CFAP70: variants seen among roughly 807,000 people sequenced by gnomAD.
CFAP70 encodes cilia and flagella associated protein 70.
CFAP70 carries 81 observed loss-of-function variants against 137.6 expected under a neutral mutation model. That is an observed-to-expected ratio of 0.59 (90% confidence interval 0.49 to 0.71). The LOEUF (loss-of-function observed/expected upper bound fraction) is 0.71, where lower values mean the gene tolerates loss of function less well. Ranked by LOEUF, CFAP70 falls within the 30% of genes least tolerant of loss-of-function variation. The pLI is 0.00. For synonymous variants in CFAP70, 382 were observed against 423.6 expected (o/e 0.90, Z 1.20); for missense variants, 976 against 1,226.7 (o/e 0.80, Z 3.05).
At chr10:73,311,859 G>A in exon 11 of CFAP70, 1 of 1,613,870 alleles carries the variant, frequency 6.2e-7, no homozygotes, top group East Asian at 2.2e-5. Flanking sequence ...GTGACTTAGA[G>A]GGGGTTCACC....
chr10:73,325,322 A>T lies in CFAP70; in HGVS notation c.778-2225T>A, dbSNP rs559058112. Among the ~76,000 whole-genome samples the T allele has an allele frequency of 2.6e-3, 399 of 152,288 alleles. 2 individuals carry two copies. Among genetic ancestry groups the T allele is most frequent in the African/African-American group, 9.0e-3 (372 of 41,554 alleles). ...GTCACCACCAGGCCTGCCCTAAAAG[A>T]GCTCCTGAAGGAAGCACTAAACATG... On this transcript the variant is annotated intron_variant, in intron 8 of 26. Transcript: ENST00000310715.
chr10:73,304,845 C>CT (rs2049247158), intron 12 of CFAP70, among the ~76,000 whole-genome samples: 1 of 146,560 alleles, frequency 6.8e-6, no homozygotes, highest in Non-Finnish European at 1.5e-5. Context: ...TCCAGATAAA[C>CT]TTAAAAAAAA....
chr10:73,310,127 C>A, intron 12 of CFAP70, 31 bp downstream of exon 13: 1 of 1,467,728 alleles, frequency 6.8e-7, no homozygotes, highest in South Asian at 1.2e-5. Flanking sequence ...CCAAATTGTA[C>A]AAAACTAGTA....
chr10:73,338,143 A>ATTTT lies in CFAP70; in HGVS notation c.583-2623_583-2620dup, dbSNP rs550084202. 8.0e-4 allele frequency among the ~76,000 whole-genome samples: 104 copies of ATTTT among 129,678 alleles called. 2 individuals are homozygous for ATTTT. The highest frequency in any genetic ancestry group is 5.2e-3 in the South Asian group (21 of 4,012). The allele number at this position is 129,678 out of a possible 152,430, so 85.1% of individuals were successfully genotyped here. A position where few individuals can be genotyped will look rare whatever the true frequency, so the allele number is the denominator to read the frequency against. ...CATGGGTCCACTTATATATATGCGG[A>ATTTT]TTTTTTTTTTTTTTTTTTTGAGACA... On this transcript the variant is annotated intron_variant, in intron 6 of 26. Transcript: ENST00000310715.
upstream of CFAP70, among the ~76,000 whole-genome samples, chr10:73,360,860 C>T (rs991614589): frequency 1.3e-5 from 2 of 152,148 alleles, no homozygotes; most frequent in Non-Finnish European, 2.9e-5. Flanking sequence ...CCAGAAATCG[C>T]TCATGATCTT....
At chr10:73,321,699 A>T (rs977336418) in intron 9 of CFAP70, among the ~76,000 whole-genome samples, 2 of 152,132 alleles carry the variant, frequency 1.3e-5, no homozygotes, top group African/African-American at 4.8e-5. Flanking sequence ...GAAAAAAAAA[A>T]TTATAGTTCA....
At chr10:73,274,732 T>G (rs968143776) in intron 22 of CFAP70, 138 bp from the exon 24 acceptor site, 1 of 814,624 alleles carries the variant, frequency 1.2e-6, no homozygotes, top group African/African-American at 1.8e-5. Context: ...CGTTTTCTTT[T>G]TCTAAGAGCA....
At chr10:73,322,566 T>TAAAAA (rs143744938) in intron 9 of CFAP70, among the ~76,000 whole-genome samples, 1 of 105,648 alleles carries the variant, frequency 9.5e-6, no homozygotes, top group Non-Finnish European at 2.0e-5. Flanking sequence ...CCCACATCTC[T>TAAAAA]AAAAAAAAAA....
rs1232147506 is a variant in CFAP70, at chr10:73,275,701, C to A, written c.2521-103G>T. On this transcript the variant is annotated intron_variant, in intron 21 of 26. Transcript: ENST00000310715. The surrounding 1 kb of genome is among the most constrained non-coding windows in gnomAD (Gnocchi z 4.0). ...ATAATAAATAATACGAAATGTATTA[C>A]AGAATGAAATAATTATCCTCAACTT... The A allele has an allele frequency of 2.9e-6, 3 of 1,029,924 alleles. No homozygotes were observed. The African/African-American group carries it at 5.0e-5, about 17-fold the overall frequency. 63.8% of individuals were successfully genotyped at this position (1,029,924 alleles called of 1,614,324 possible).
At chr10:73,349,236 A>G (rs576397255) in intron 3 of CFAP70, among the ~76,000 whole-genome samples, 39 of 152,092 alleles carry the variant, frequency 2.6e-4, no homozygotes, top group Admixed American at 1.0e-3. Flanking sequence ...TCACAATCTG[A>G]AGTTTGAAAA....
intron 6 of CFAP70, among the ~76,000 whole-genome samples, chr10:73,339,648 C>A (rs1304197857): frequency 6.6e-6 from 1 of 152,246 alleles, no homozygotes; most frequent in Non-Finnish European, 1.5e-5. Flanking sequence ...TTGTGCACAG[C>A]CAGGCATGCT....
At chr10:73,334,915 A>C in intron 7 of CFAP70, among the ~76,000 whole-genome samples, 1 of 138,898 alleles carries the variant, frequency 7.2e-6, no homozygotes. Flanking sequence ...ACAAGGTGTC[A>C]CTCCATTGCC....
At chr10:73,294,610 T>C (rs942032922) in intron 15 of CFAP70, 3 of 152,222 alleles carry the variant, frequency 2.0e-5, no homozygotes, top group Non-Finnish European at 4.4e-5. Context: ...TAGTAATCTA[T>C]GTATTTGTCT....
upstream of CFAP70, among the ~76,000 whole-genome samples, chr10:73,360,365 C>T (rs547212203): frequency 6.6e-6 from 1 of 152,294 alleles, no homozygotes; most frequent in South Asian, 2.1e-4. Flanking sequence ...TATGCACATG[C>T]ATGCACACCT....
At chr10:73,302,731 A>G (rs954595050) in intron 12 of CFAP70, among the ~76,000 whole-genome samples, 18 of 152,140 alleles carry the variant, frequency 1.2e-4, no homozygotes, top group African/African-American at 9.7e-5. Context: ...GTTTCTTTTC[A>G]TATGTTGAAG....
At chr10:73,291,427 G>T in exon 19 of CFAP70, 2 of 1,614,026 alleles carry the variant, frequency 1.2e-6, no homozygotes, top group South Asian at 2.2e-5. Context: ...TCATTGTTTT[G>T]AATTTCATAG....
intron 25 of CFAP70, among the ~76,000 whole-genome samples, chr10:73,265,090 C>A (rs1395404153): frequency 6.6e-6 from 1 of 152,150 alleles, no homozygotes; most frequent in Non-Finnish European, 1.5e-5. Context: ...CTTTGGGAGG[C>A]CGAGATGGGC....
chr10:73,316,288 C>T (rs2050327994), intron 9 of CFAP70, among the ~76,000 whole-genome samples: 1 of 151,332 alleles, frequency 6.6e-6, no homozygotes, highest in African/African-American at 2.4e-5. Context: ...AATTTCTATC[C>T]TTTTATCAGT....
intron 12 of CFAP70, among the ~76,000 whole-genome samples, chr10:73,306,810 T>C (rs1308422707): frequency 6.6e-6 from 1 of 152,180 alleles, no homozygotes; most frequent in East Asian, 1.9e-4. Flanking sequence ...TTAAGACAGT[T>C]TGATAACAGG....
Sources: allele counts gnomAD v4.1 joint callset (sites outside exome capture counted in the v4.1 genomes callset), GRCh38; gene constraint gnomAD v4.1.1; non-coding constraint Gnocchi (gnomAD v3.1); transcripts MANE v1.5; gene names NCBI Gene and HGNC (gene_info 2026-07-23, HGNC 2026-07-21).